The following SORBS2 variants were observed in gnomAD, a reference collection of about 807,000 sequenced individuals.
The protein encoded by SORBS2 is sorbin and SH3 domain containing 2, also known as sorbin and SH3 domain-containing protein 2.
In SORBS2, 46 loss-of-function variants were observed where a neutral mutation model predicts 97.7. The observed-to-expected ratio is 0.47, with a 90% CI of 0.37 to 0.60. SORBS2 has a LOEUF of 0.60. Among genes scored for constraint, SORBS2 ranks in the 20% least tolerant of loss-of-function variants. SORBS2 has a pLI of 0.00. For missense variants in SORBS2, 1,316 were observed against 1,282.3 expected (o/e 1.03, Z -0.40); for synonymous variants, 476 against 473.4 (o/e 1.01, Z -0.07).
intron 1 of SORBS2, among the ~76,000 whole-genome samples, chr4:185,870,381 T>A (rs1031737082): frequency 6.6e-6 from 1 of 152,210 alleles, no homozygotes. Flanking sequence ...TCTCTTCTTT[T>A]CATGACCCAA....
chr4:185,668,880 T>C (rs61497934), intron 4 of SORBS2, among the ~76,000 whole-genome samples: 6,764 of 152,282 alleles, frequency 0.044, 525 homozygotes, highest in African/African-American at 0.15. Context: ...TTGTTTTTTC[T>C]TTCCCCAACC....
intron 11 of SORBS2, among the ~76,000 whole-genome samples, chr4:185,613,421 G>A (rs756792254): frequency 3.3e-5 from 5 of 152,240 alleles, no homozygotes; most frequent in Non-Finnish European, 5.9e-5. Flanking sequence ...AGGCCAAGGC[G>A]GGCGGATCAT....
chr4:185,706,861 T>C (rs1190244429), intron 2 of SORBS2, among the ~76,000 whole-genome samples: 1 of 152,214 alleles, frequency 6.6e-6, no homozygotes, highest in African/African-American at 2.4e-5. Context: ...TGGTCTCCTA[T>C]ATAATATTTA....
chr4:185,626,427 A>C (rs1404427882), intron 6 of SORBS2, among the ~76,000 whole-genome samples: 1 of 152,252 alleles, frequency 6.6e-6, no homozygotes, highest in African/African-American at 2.4e-5. Flanking sequence ...TATTTTAGCC[A>C]ACAATTTGCT....
intron 2 of SORBS2, among the ~76,000 whole-genome samples, chr4:185,701,757 A>G (rs1350633283): frequency 6.8e-6 from 1 of 146,264 alleles, no homozygotes; most frequent in Non-Finnish European, 1.5e-5. Context: ...ATGGGCCAAA[A>G]AGTTAGCAAA....
chr4:185,806,504 CTGG>C (rs2099155864), intron 1 of SORBS2, among the ~76,000 whole-genome samples: 2 of 120,690 alleles, frequency 1.7e-5, no homozygotes, highest in African/African-American at 6.6e-5. Context: ...GTCGCCCAGG[CTGG>C]AGTGCAGTGG....
chr4:185,662,147 G>A (rs2097532095), exon 5 of SORBS2: 1 of 1,614,176 alleles, frequency 6.2e-7, no homozygotes, highest in African/African-American at 1.3e-5. Flanking sequence ...AGTTGAGTGA[G>A]GCTGGGAGAG....
At chr4:185,719,308 C>T (rs970469187) in intron 2 of SORBS2, among the ~76,000 whole-genome samples, 10 of 152,070 alleles carry the variant, frequency 6.6e-5, no homozygotes, top group East Asian at 1.9e-4. Flanking sequence ...TCAGACTTGC[C>T]GGTAGGTACT....
intron 1 of SORBS2, among the ~76,000 whole-genome samples, chr4:185,875,357 C>T (rs557029040): frequency 1.3e-5 from 2 of 152,058 alleles, no homozygotes; most frequent in East Asian, 3.9e-4. Flanking sequence ...GTTAGTATAC[C>T]ATAAATATAT....
chr4:185,652,528 G>A (rs2097331822), intron 2 of SORBS2, 134 bp downstream of exon 10: 2 of 719,508 alleles, frequency 2.8e-6, no homozygotes, highest in Admixed American at 2.1e-5. Context: ...GAGAACAGGA[G>A]GCATGCTGAA....
At position 185,943,276 on chromosome 4, in the gene SORBS2, C is replaced by T. The variant is rs149063454; in HGVS notation, c.-338+12920G>A. Among the ~76,000 whole-genome samples, 1,149 of 152,252 alleles carry T rather than the reference C, an allele frequency of 7.5e-3. 11 individuals are homozygous for T. The highest frequency in any genetic ancestry group is 0.026 in the African/African-American group (1,093 of 41,534). On this transcript the variant is annotated intron_variant, in intron 1 of 20. Coordinates refer to the SORBS2 transcript ENST00000284776. ...ATTCCACATAGTAACAAATTACCACCCCTCAGATTACCTAATGATTGTAAA... is the reference window on the plus strand; with the variant it reads ...ATTCCACATAGTAACAAATTACCACTCCTCAGATTACCTAATGATTGTAAA...
intron 2 of SORBS2, among the ~76,000 whole-genome samples, chr4:185,749,178 T>A (rs1172207312): frequency 6.6e-6 from 1 of 152,206 alleles, no homozygotes; most frequent in African/African-American, 2.4e-5. Context: ...ATGTGGATGC[T>A]GCTCCAAGCC....
At chr4:185,662,362 T>C (rs1435245943) in intron 4 of SORBS2, 120 bp from the exon 8 acceptor site, 2 of 1,032,202 alleles carry the variant, frequency 1.9e-6, no homozygotes, top group Non-Finnish European at 2.8e-6. Flanking sequence ...CAAGCTCTTA[T>C]TTATTTTGAA....
chr4:185,833,991 A>G (rs996890485), intron 1 of SORBS2, among the ~76,000 whole-genome samples: 2 of 152,236 alleles, frequency 1.3e-5, no homozygotes, highest in African/African-American at 4.8e-5. Context: ...AATGGGCAGT[A>G]TGAACATAAA....
chr4:185,634,301 C>T (rs892001025), intron 4 of SORBS2, among the ~76,000 whole-genome samples: 16 of 152,176 alleles, frequency 1.1e-4, no homozygotes, highest in African/African-American at 3.9e-4. Context: ...CCTCCTACAA[C>T]ACAACGGTTC....
intron 2 of SORBS2, among the ~76,000 whole-genome samples, chr4:185,729,592 A>C (rs1253700391): frequency 6.6e-6 from 1 of 152,256 alleles, no homozygotes; most frequent in East Asian, 1.9e-4. Context: ...ACATTTGCTC[A>C]GATTCCCTAA....
At chr4:185,827,762 TCATCATCAC>T (rs2099202306) in intron 1 of SORBS2, among the ~76,000 whole-genome samples, 7 of 119,652 alleles carry the variant, frequency 5.9e-5, no homozygotes, top group Non-Finnish European at 1.1e-4. Flanking sequence ...ATCATCACCA[TCATCATCAC>T]CATCACCATC....
chr4:185,731,032 AT>A (rs1182159212), intron 2 of SORBS2, among the ~76,000 whole-genome samples: 1 of 152,118 alleles, frequency 6.6e-6, no homozygotes. Context: ...GCAAATGACT[AT>A]TTTCTAGGTT....
chr4:185,752,455 T>G (rs2098806775), intron 2 of SORBS2, among the ~76,000 whole-genome samples: 1 of 152,134 alleles, frequency 6.6e-6, no homozygotes, highest in Non-Finnish European at 1.5e-5. Context: ...TTTTGTATTT[T>G]TTAGTAGATA....
Sources: allele counts gnomAD v4.1 joint callset (sites outside exome capture counted in the v4.1 genomes callset), GRCh38; gene constraint gnomAD v4.1.1; transcripts MANE v1.5; gene names NCBI Gene and HGNC (gene_info 2026-07-23, HGNC 2026-07-21).